Variants in SAXO1 observed in about 807,000 individuals in gnomAD.
SAXO1 encodes the protein stabilizer of axonemal microtubules 1.
Under a neutral mutation model 17.5 loss-of-function variants are expected in SAXO1, and 21 were observed. The observed-to-expected ratio is 1.20, with a 90% CI of 0.85 to 1.72. The LOEUF is 1.72. SAXO1 is among the 40% of genes most tolerant of loss of function. The pLI, the probability that SAXO1 is intolerant of heterozygous loss-of-function variation, is 0.00. For missense variants in SAXO1, 843 were observed against 596.0 expected (o/e 1.41, Z -4.32); for synonymous variants, 274 against 216.5 (o/e 1.27, Z -2.33).
chr9:19,025,529 G>A (rs1158151272), intron 1 of SAXO1, among the ~76,000 whole-genome samples: 1 of 152,156 alleles, frequency 6.6e-6, no homozygotes, highest in Non-Finnish European at 1.5e-5. Context: ...GGCTGCCCCT[G>A]AGATCACCTT....
At chr9:18,933,924 T>C (rs1261792502) in intron 3 of SAXO1, among the ~76,000 whole-genome samples, 1 of 152,152 alleles carries the variant, frequency 6.6e-6, no homozygotes, top group Non-Finnish European at 1.5e-5. Context: ...CGGGCGCCTG[T>C]AGTCCCAGCT....
At chr9:18,942,317 G>T (rs1321259478) in intron 2 of SAXO1, among the ~76,000 whole-genome samples, 1 of 151,962 alleles carries the variant, frequency 6.6e-6, no homozygotes, top group Admixed American at 6.6e-5. Context: ...AGCCTTTCTG[G>T]ACCTGGCTCC....
upstream of SAXO1, chr9:19,033,308 C>T (rs528838527): frequency 2.2e-4 from 43 of 191,870 alleles, no homozygotes; most frequent in African/African-American, 5.8e-4. Context: ...TCACAAGAGC[C>T]GCTTGTGAGG....
intron 1 of SAXO1, among the ~76,000 whole-genome samples, chr9:19,032,230 G>C (rs937556260): frequency 6.6e-6 from 1 of 152,170 alleles, no homozygotes; most frequent in Non-Finnish European, 1.5e-5. Flanking sequence ...GAGCCTCTAA[G>C]AGATCATGTG....
chr9:18,995,662 T>C (rs775925418), intron 1 of SAXO1, among the ~76,000 whole-genome samples: 4 of 152,134 alleles, frequency 2.6e-5, no homozygotes, highest in African/African-American at 4.8e-5. Flanking sequence ...GAATCTACAG[T>C]TTTTTCAAAG....
At chr9:18,948,438 C>G (rs1020050133) in intron 2 of SAXO1, among the ~76,000 whole-genome samples, 4 of 152,152 alleles carry the variant, frequency 2.6e-5, no homozygotes, top group Non-Finnish European at 5.9e-5. Context: ...TCATTAACAG[C>G]TTATTTTGGA....
intron 3 of SAXO1, among the ~76,000 whole-genome samples, chr9:18,931,892 G>T (rs114444844): frequency 0.02 from 3,095 of 152,146 alleles, 109 homozygotes; most frequent in African/African-American, 0.068. Flanking sequence ...AGAATTCTTT[G>T]CATGTTCTAA....
chr9:19,012,862 G>T (rs1339159487), intron 1 of SAXO1, among the ~76,000 whole-genome samples: 1 of 152,138 alleles, frequency 6.6e-6, no homozygotes, highest in South Asian at 2.1e-4. Context: ...TAAGGGAGGC[G>T]CTGCGGAGCT....
At chr9:18,967,612 C>A (rs1335807273) in intron 1 of SAXO1, among the ~76,000 whole-genome samples, 1 of 152,170 alleles carries the variant, frequency 6.6e-6, no homozygotes, top group East Asian at 1.9e-4. Context: ...GCTCGAGTGT[C>A]CCAGGTCAAC....
chr9:18,984,404 TC>T (rs1282493844), intron 1 of SAXO1, among the ~76,000 whole-genome samples: 4 of 152,214 alleles, frequency 2.6e-5, no homozygotes, highest in Non-Finnish European at 4.4e-5. Context: ...GGCATCTTCT[TC>T]CAATAGATAA....
chr9:19,032,800 G>A, intron 1 of SAXO1, 71 bp downstream of exon 1: 4 of 1,544,992 alleles, frequency 2.6e-6, no homozygotes, highest in Non-Finnish European at 3.5e-6. Flanking sequence ...AGCAGCTGGG[G>A]GAGGCTTCCC....
rs1416115261 is a variant in SAXO1, at chr9:19,005,659, C to A, written c.38+27212G>T. Among the ~76,000 whole-genome samples the A allele has an allele frequency of 1.3e-5, 2 of 152,264 alleles. 1 individual carries two copies. Among genetic ancestry groups the A allele is most frequent in the South Asian group, 4.2e-4 (2 of 4,816 alleles). On this transcript the variant is annotated intron_variant, in intron 1 of 3. Transcript: ENST00000380534. Reference sequence around the variant, plus strand: ...TGGATCAAAGACCTAAGCATAAGAACTAAAACTATACAAACGCTGAGAAGA... The same window carrying A: ...TGGATCAAAGACCTAAGCATAAGAAATAAAACTATACAAACGCTGAGAAGA...
chr9:19,039,968 A>T (rs560034907), intron 1 of SAXO1, among the ~76,000 whole-genome samples: 1 of 152,172 alleles, frequency 6.6e-6, no homozygotes. Context: ...ACCTCAGGTG[A>T]TCTGCCCGCC....
At position 18,999,537 on chromosome 9, in the gene SAXO1, C is replaced by T. The variant is rs918978456; in HGVS notation, c.38+33334G>A. 1.1e-4 allele frequency among the ~76,000 whole-genome samples: 17 copies of T among 148,456 alleles called. 1 individual carries two copies. Among genetic ancestry groups the T allele is most frequent in the East Asian group, 2.0e-4 (1 of 4,906 alleles). On this transcript the variant is annotated intron_variant, in intron 1 of 3. Coordinates refer to ENST00000380534, the MANE Select transcript of SAXO1 (RefSeq NM_153707.4). ...GGAGGCCTCTGCCCGGCCGCCACAC[C>T]GTCTGGGAAGTGAGGAGCGCCGCTG...
chr9:18,975,194 G>A (rs569453168), intron 1 of SAXO1, among the ~76,000 whole-genome samples: 2 of 151,592 alleles, frequency 1.3e-5, no homozygotes, highest in South Asian at 4.2e-4. Context: ...TGCTGGGGAA[G>A]CAAGGAGGCT....
At chr9:19,011,751 A>C (rs1834737622) in intron 1 of SAXO1, among the ~76,000 whole-genome samples, 1 of 152,216 alleles carries the variant, frequency 6.6e-6, no homozygotes, top group Admixed American at 6.5e-5. Context: ...TAAGTATGCC[A>C]ATTACGAACC....
intron 1 of SAXO1, among the ~76,000 whole-genome samples, chr9:19,039,713 A>C (rs73435323): frequency 0.02 from 3,005 of 152,264 alleles, 95 homozygotes; most frequent in African/African-American, 0.068. Flanking sequence ...ATGTCTTTGA[A>C]AGAGATGCAG....
At chr9:18,949,364 C>G (rs1021578959) in intron 2 of SAXO1, among the ~76,000 whole-genome samples, 2 of 123,120 alleles carry the variant, frequency 1.6e-5, no homozygotes, top group African/African-American at 5.0e-5. Context: ...GACTGAGGGG[C>G]AAGGATCACT....
In SAXO1 at chr9:19,003,546, A is replaced by G. The variant is rs551491193; in HGVS notation, c.38+29325T>C. On this transcript the variant is annotated intron_variant, in intron 1 of 3. Coordinates refer to ENST00000380534, the MANE Select transcript of SAXO1 (RefSeq NM_153707.4). ...GCATGGTACTTGTACCAAAACAGAC[A>G]TATAGACAAATGGAATAGAACAGAG... 2.0e-5 allele frequency among the ~76,000 whole-genome samples: 3 copies of G among 152,346 alleles called. No homozygotes were observed. The South Asian group carries it at 6.2e-4, about 32-fold the overall frequency.
Sources: allele counts gnomAD v4.1 joint callset (sites outside exome capture counted in the v4.1 genomes callset), GRCh38; gene constraint gnomAD v4.1.1; transcripts MANE v1.5; gene names NCBI Gene and HGNC (gene_info 2026-07-23, HGNC 2026-07-21).